The following CHRM3 variants were observed in gnomAD, a reference collection of about 807,000 sequenced individuals.
CHRM3 encodes muscarinic acetylcholine receptor M3.
A neutral mutation model predicts 41.8 loss-of-function variants in CHRM3; 11 were observed. The observed-to-expected ratio is 0.26, with a 90% CI of 0.17 to 0.44. The LOEUF (loss-of-function observed/expected upper bound fraction) is 0.44. CHRM3 is among the 20% of genes least tolerant of loss of function. The pLI is 1.00. For missense variants in CHRM3, 571 were observed against 745.4 expected (o/e 0.77, Z 2.72); for synonymous variants, 297 against 301.4 (o/e 0.99, Z 0.15).
chr1:239,671,870 C>T (rs974511609), intron 4 of CHRM3, among the ~76,000 whole-genome samples: 3 of 152,118 alleles, frequency 2.0e-5, no homozygotes, highest in African/African-American at 7.2e-5. Flanking sequence ...CATCTAGCCT[C>T]AGTCTCTGGT....
At chr1:239,449,283 G>A (rs567132753) in intron 1 of CHRM3, among the ~76,000 whole-genome samples, 1 of 152,126 alleles carries the variant, frequency 6.6e-6, no homozygotes, top group Non-Finnish European at 1.5e-5. Flanking sequence ...TATAATTTTA[G>A]CATATTTAAC....
intron 2 of CHRM3, among the ~76,000 whole-genome samples, chr1:239,533,254 C>T (rs974536608): frequency 1.3e-5 from 2 of 152,058 alleles, no homozygotes; most frequent in African/African-American, 2.4e-5. Flanking sequence ...TGTGTCAGTC[C>T]GTCCTTACAC....
chr1:239,788,632 G>T (rs746524975), intron 5 of CHRM3, among the ~76,000 whole-genome samples: 6 of 152,084 alleles, frequency 3.9e-5, no homozygotes, highest in African/African-American at 7.2e-5. Flanking sequence ...CAGGCGTGGT[G>T]GTAGACACCT....
chr1:239,853,913 GA>G (rs1212088977), intron 6 of CHRM3, among the ~76,000 whole-genome samples: 1 of 152,004 alleles, frequency 6.6e-6, no homozygotes, highest in Non-Finnish European at 1.5e-5. Flanking sequence ...TCAAAAGAAA[GA>G]TTTGAAAAAA....
At chr1:239,856,647 G>A (rs576437880) in intron 6 of CHRM3, among the ~76,000 whole-genome samples, 5 of 152,210 alleles carry the variant, frequency 3.3e-5, no homozygotes, top group South Asian at 2.1e-4. Context: ...GTATGAGATC[G>A]CTACCAGGAA....
chr1:239,768,083 A>T (rs1055948258), intron 5 of CHRM3, among the ~76,000 whole-genome samples: 1 of 152,216 alleles, frequency 6.6e-6, no homozygotes, highest in Non-Finnish European at 1.5e-5. Flanking sequence ...CCTATTCAAC[A>T]TAATAGGAAA....
At chr1:239,456,868 A>C (rs528550964) in intron 1 of CHRM3, among the ~76,000 whole-genome samples, 1 of 152,322 alleles carries the variant, frequency 6.6e-6, no homozygotes, top group African/African-American at 2.4e-5. Flanking sequence ...CACTGTGGCC[A>C]CTGTACTGAC....
intron 3 of CHRM3, among the ~76,000 whole-genome samples, chr1:239,557,237 T>A (rs1299021401): frequency 6.6e-6 from 1 of 152,190 alleles, no homozygotes; most frequent in Non-Finnish European, 1.5e-5. Context: ...CTGAGTTCTC[T>A]GTCAGTGTGA....
In CHRM3 at chr1:239,690,112, T is replaced by C. The variant is rs1659570506; in HGVS notation, c.-147+11824T>C. Among the ~76,000 whole-genome samples, 2 of 152,134 alleles carry C rather than the reference T, an allele frequency of 1.3e-5. 1 individual carries two copies. The highest frequency in any genetic ancestry group is 4.8e-5 in the African/African-American group (2 of 41,484). ...GAGTTCTCCTTTTCTTCAAAGGCAA[T>C]ACATTCTCCTTCTGCCATACCATCC... On this transcript the variant is annotated intron_variant, in intron 5 of 6. Coordinates refer to ENST00000676153, the MANE Select transcript of CHRM3 (RefSeq NM_001375978.1).
chr1:239,526,037 T>TGTGTGTGTGATGGGAG (rs1669973244), intron 2 of CHRM3, among the ~76,000 whole-genome samples: 3 of 152,088 alleles, frequency 2.0e-5, no homozygotes, highest in Admixed American at 1.3e-4. Context: ...GATCATGGAG[T>TGTGTGTGTGATGGGAG]CTCAGCTGGG....
At chr1:239,424,068 A>G (rs1390020408) in intron 1 of CHRM3, among the ~76,000 whole-genome samples, 4 of 151,782 alleles carry the variant, frequency 2.6e-5, no homozygotes, top group Non-Finnish European at 5.9e-5. Context: ...AAAAAAAAAA[A>G]AAAGAAAAAA....
chr1:239,708,736 C>CTTTT lies in CHRM3; in HGVS notation c.-147+30472_-147+30475dup, dbSNP rs869143310. ...CTTTGTTTCTTCTGGTTTAAATTTT[C>CTTTT]TTTTTTTTTTTTTTTTTTTTTTTTT... On this transcript the variant is annotated intron_variant, in intron 5 of 6. Transcript: ENST00000676153. 8.4e-3 allele frequency among the ~76,000 whole-genome samples: 407 copies of CTTTT among 48,350 alleles called. 75 individuals are homozygous for CTTTT. Among genetic ancestry groups the CTTTT allele is most frequent in the Non-Finnish European group, 0.012 (334 of 28,524 alleles). 31.7% of individuals were successfully genotyped at this position (48,350 alleles called of 152,430 possible).
At chr1:239,613,358 A>G (rs1023149752) in intron 3 of CHRM3, among the ~76,000 whole-genome samples, 3 of 152,244 alleles carry the variant, frequency 2.0e-5, no homozygotes, top group Non-Finnish European at 4.4e-5. Flanking sequence ...AGAGCAGCAA[A>G]CTGCAATATG....
At chr1:239,503,051 C>A (rs1227419270) in intron 2 of CHRM3, among the ~76,000 whole-genome samples, 1 of 152,090 alleles carries the variant, frequency 6.6e-6, no homozygotes, top group Non-Finnish European at 1.5e-5. Context: ...TACTGAAAGT[C>A]CTAGCCAGAG....
At chr1:239,467,595 C>T (rs1202883001) in intron 1 of CHRM3, among the ~76,000 whole-genome samples, 3 of 152,114 alleles carry the variant, frequency 2.0e-5, no homozygotes, top group East Asian at 3.9e-4. Flanking sequence ...CCACCGTGCC[C>T]GGCCGCCTCG....
At chr1:239,876,935 A>T (rs1677155012) in intron 6 of CHRM3, among the ~76,000 whole-genome samples, 1 of 152,202 alleles carries the variant, frequency 6.6e-6, no homozygotes, top group African/African-American at 2.4e-5. Context: ...TCAGGAAAAG[A>T]CATAAATGTC....
intron 5 of CHRM3, among the ~76,000 whole-genome samples, chr1:239,715,771 C>T (rs1662290621): frequency 6.6e-6 from 1 of 152,070 alleles, no homozygotes; most frequent in Admixed American, 6.6e-5. Context: ...GAGGAAAGGA[C>T]ATTGAGTTAA....
intron 5 of CHRM3, among the ~76,000 whole-genome samples, chr1:239,797,315 G>C (rs648629): frequency 6.6e-6 from 1 of 151,446 alleles, no homozygotes; most frequent in East Asian, 1.9e-4. Context: ...AATATATCCA[G>C]GTAGCAAACC....
At chr1:239,759,217 T>C (rs1666525617) in intron 5 of CHRM3, among the ~76,000 whole-genome samples, 1 of 142,848 alleles carries the variant, frequency 7.0e-6, no homozygotes, top group Non-Finnish European at 1.5e-5. Context: ...TTATCCTGAA[T>C]GTCTGCATGC....
Sources: gnomAD v4.1 joint callset for allele counts (sites outside exome capture counted in the v4.1 genomes callset) on GRCh38, gnomAD v4.1.1 for gene constraint, MANE v1.5 for transcripts, NCBI Gene and HGNC (gene_info 2026-07-23, HGNC 2026-07-21) for gene names.